PLPP7: variants seen among roughly 807,000 people sequenced by gnomAD.
PLPP7 encodes the protein phospholipid phosphatase 7 (inactive).
PLPP7 carries 11 observed loss-of-function variants against 16.9 expected under a neutral mutation model. That is an observed-to-expected ratio of 0.65 (90% CI 0.41 to 1.08). PLPP7 has a LOEUF of 1.08. Ranked by LOEUF, PLPP7 falls within the 50% of genes least tolerant of loss-of-function variation. The pLI is 0.00. For missense variants in PLPP7, 358 were observed against 397.1 expected (o/e 0.90, Z 0.84); for synonymous variants, 174 against 175.1 (o/e 0.99, Z 0.05).
At chr9:131,293,703 CG>C (rs1460139945) in intron 1 of PLPP7, among the ~76,000 whole-genome samples, 1 of 152,216 alleles carries the variant, frequency 6.6e-6, no homozygotes, top group East Asian at 1.9e-4. Context: ...ACTTGCTGTA[CG>C]CACATGCTCA....
intron 1 of PLPP7, chr9:131,291,410 G>C (rs1835676746): frequency 6.9e-6 from 8 of 1,153,664 alleles, no homozygotes; most frequent in Non-Finnish European, 7.6e-6. Flanking sequence ...CAGTTCCAGA[G>C]GAAGTTACAA....
At chr9:131,296,169 C>G (rs1306157660) in intron 1 of PLPP7, among the ~76,000 whole-genome samples, 2 of 152,198 alleles carry the variant, frequency 1.3e-5, no homozygotes, top group Admixed American at 1.3e-4. Context: ...CACTCATTAT[C>G]TGGTTTTTCA....
chr9:131,300,229 C>A (rs1211404503), intron 1 of PLPP7, among the ~76,000 whole-genome samples: 1 of 152,230 alleles, frequency 6.6e-6, no homozygotes, highest in African/African-American at 2.4e-5. Context: ...CTCACCCTTT[C>A]GTCAGGAACC....
At chr9:131,307,838 G>A in intron 1 of PLPP7, 85 bp from the exon 2 acceptor site, 1 of 1,356,314 alleles carries the variant, frequency 7.4e-7, no homozygotes, top group Non-Finnish European at 9.8e-7. Context: ...GCAGAAAGGG[G>A]AGGCGAGGTG....
rs1835642158 is a variant in PLPP7, at chr9:131,289,864, A to G, written c.-134A>G. ...TAAACAGCCATGTGCAACTCTCCAC[A>G]CTATATTTAACAGCTGCGGCGGAGA... On this transcript the variant is annotated 5_prime_UTR_variant, in exon 1 of 2. Transcript: ENST00000372264. 8 of 661,260 alleles carry G rather than the reference A, an allele frequency of 1.2e-5. No individual in the cohort carries two copies. The highest frequency in any genetic ancestry group is 1.8e-5 in the Non-Finnish European group (8 of 444,592). 41.0% of individuals were successfully genotyped at this position (661,260 alleles called of 1,614,324 possible).
intron 1 of PLPP7, among the ~76,000 whole-genome samples, chr9:131,301,267 C>T (rs1835795830): frequency 6.6e-6 from 1 of 152,202 alleles, no homozygotes; most frequent in Non-Finnish European, 1.5e-5. Flanking sequence ...CCGCGCTGGC[C>T]TCGAAAGGCA....
rs866672628 is a variant in PLPP7, at chr9:131,308,459, C to T, written c.*172C>T. The T allele has an allele frequency of 8.5e-5, 93 of 1,088,946 alleles. No homozygotes were observed. In the Middle Eastern group the frequency reaches 9.4e-4, roughly 11 times the overall value. 67.5% of individuals were successfully genotyped at this position (1,088,946 alleles called of 1,614,324 possible). The stretch of plus-strand genomic sequence containing the variant: ...GCTGGCGAACCCAGGCCACCCCTCC[C>T]GGAGACAAGCGTGTTTGGCAGTGCC... On this transcript the variant is annotated 3_prime_UTR_variant, in exon 2 of 2. Transcript: ENST00000372264.
chr9:131,299,947 C>G (rs1588209170), intron 1 of PLPP7, among the ~76,000 whole-genome samples: 2 of 152,356 alleles, frequency 1.3e-5, no homozygotes, highest in African/African-American at 4.8e-5. Flanking sequence ...GCAGATACCC[C>G]CCGTCATTAT....
chr9:131,301,980 C>A (rs1307563879), intron 1 of PLPP7, among the ~76,000 whole-genome samples: 1 of 152,068 alleles, frequency 6.6e-6, no homozygotes, highest in Non-Finnish European at 1.5e-5. Context: ...CCATGCCCAG[C>A]TAATTTTTTT....
In PLPP7 at chr9:131,289,815, C is replaced by A; in HGVS notation, c.-183C>A. 1 of 456,534 alleles carries A rather than the reference C, an allele frequency of 2.2e-6. No homozygotes were observed. The highest frequency in any genetic ancestry group is 3.6e-6 in the Non-Finnish European group (1 of 277,406). 28.3% of individuals were successfully genotyped at this position (456,534 alleles called of 1,614,324 possible). A position where few individuals can be genotyped will look rare whatever the true frequency, so the allele number is the denominator to read the frequency against. ...GCTGCCCGGCTGGCACTGACGTCCC[C>A]TTGGAGCTGGGTGGCAGAGGAGATA... On this transcript the variant is annotated 5_prime_UTR_variant, in exon 1 of 2. Transcript: ENST00000372264.
chr9:131,289,825 G>A lies in PLPP7; in HGVS notation c.-173G>A. ...TGGCACTGACGTCCCCTTGGAGCTG[G>A]GTGGCAGAGGAGATAAACAGCCATG... On this transcript the variant is annotated 5_prime_UTR_variant, in exon 1 of 2. Coordinates refer to ENST00000372264, the MANE Select transcript of PLPP7 (RefSeq NM_032728.4). 2.1e-6 allele frequency: 1 copy of A among 469,168 alleles called. No homozygotes were observed. 29.1% of individuals were successfully genotyped at this position (469,168 alleles called of 1,614,324 possible).
At position 131,292,519 on chromosome 9, in the gene PLPP7, C is replaced by T. The variant is rs113024647; in HGVS notation, c.451+2071C>T. Among the ~76,000 whole-genome samples the T allele has an allele frequency of 2.1e-3, 315 of 152,280 alleles. 1 individual carries two copies. Among genetic ancestry groups the T allele is most frequent in the African/African-American group, 7.1e-3 (294 of 41,540 alleles). On this transcript the variant is annotated intron_variant, in intron 1 of 1. Transcript: ENST00000372264. ...ATGGGGTGACGATGGTTCTAAGGTC[C>T]TGCAGCTAGTCAGTGATGGAGCCAG...
At chr9:131,291,356 G>A (rs543971712) in intron 1 of PLPP7, 27 of 1,181,968 alleles carry the variant, frequency 2.3e-5, no homozygotes, top group Non-Finnish European at 2.9e-5. Flanking sequence ...ATTAACAAGG[G>A]GTCTCAGTTC....
At chr9:131,300,573 A>G (rs12001220) in intron 1 of PLPP7, among the ~76,000 whole-genome samples, 57 of 151,450 alleles carry the variant, frequency 3.8e-4, no homozygotes, top group African/African-American at 1.2e-3. Flanking sequence ...TCCCACCTAC[A>G]TGGGAGGCTG....
chr9:131,293,246 GC>G (rs11330905), intron 1 of PLPP7, among the ~76,000 whole-genome samples: 87,970 of 151,538 alleles, frequency 0.58, 25,690 homozygotes, highest in East Asian at 0.71. Context: ...TGCAGGTCGG[GC>G]ATATCACCCG....
intron 1 of PLPP7, among the ~76,000 whole-genome samples, chr9:131,299,745 G>A (rs569389): frequency 0.66 from 100,989 of 152,118 alleles, 34,589 homozygotes; most frequent in Middle Eastern, 0.78. Context: ...CCACCGTCCC[G>A]TTTGGCCATA....
In PLPP7 at chr9:131,292,177, A is replaced by G. The variant is rs72770717; in HGVS notation, c.451+1729A>G. The stretch of plus-strand genomic sequence containing the variant: ...GCTTCCAGGGGCAGAACCTGCTCTC[A>G]TTATCCACAGTTTCACACAGGGCCA... On this transcript the variant is annotated intron_variant, in intron 1 of 1. Transcript: ENST00000372264. Among the ~76,000 whole-genome samples, 591 of 152,282 alleles carry G rather than the reference A, an allele frequency of 3.9e-3. 4 individuals are homozygous for G. The highest frequency in any genetic ancestry group is 6.1e-3 in the Non-Finnish European group (415 of 68,018).
At chr9:131,299,264 C>G (rs1835769212) in intron 1 of PLPP7, among the ~76,000 whole-genome samples, 1 of 152,124 alleles carries the variant, frequency 6.6e-6, no homozygotes, top group Non-Finnish European at 1.5e-5. Context: ...CATAGCAGGT[C>G]CAGGGCAGTG....
chr9:131,291,200 G>A (rs544705746), intron 1 of PLPP7: 141 of 1,361,818 alleles, frequency 1.0e-4, no homozygotes, highest in African/African-American at 9.9e-4. Flanking sequence ...GCCCCCGTCC[G>A]GCCCACCCTT....
Sources: allele counts gnomAD v4.1 joint callset (sites outside exome capture counted in the v4.1 genomes callset), GRCh38; gene constraint gnomAD v4.1.1; transcripts MANE v1.5; gene names NCBI Gene and HGNC (gene_info 2026-07-23, HGNC 2026-07-21).